The following DCC variants were observed in gnomAD, a reference collection of about 807,000 sequenced individuals.
The protein encoded by DCC is netrin receptor DCC.
In DCC, 58 loss-of-function variants were observed where a neutral mutation model predicts 172.5. That is an observed-to-expected ratio of 0.34 (90% CI 0.27 to 0.42). DCC has a LOEUF of 0.42. Ranked by LOEUF, DCC falls within the 10% of genes least tolerant of loss-of-function variation. The probability of loss-of-function intolerance (pLI) is 1.00; values close to 1 mark genes in which losing one functional copy is unlikely to be tolerated. For synonymous variants in DCC, 709 were observed against 644.5 expected (o/e 1.10, Z -1.52); for missense variants, 1,740 against 1,791.0 (o/e 0.97, Z 0.51).
chr18:53,141,877 CT>C, intron 7 of DCC, among the ~76,000 whole-genome samples: 1 of 152,272 alleles, frequency 6.6e-6, no homozygotes, highest in African/African-American at 2.4e-5. Context: ...TGTGACCAGT[CT>C]TTCTCAGGGA....
chr18:52,969,614 T>TCTCTCTCC (rs2040993718), intron 5 of DCC, among the ~76,000 whole-genome samples: 1 of 149,736 alleles, frequency 6.7e-6, no homozygotes, highest in Non-Finnish European at 1.5e-5. Context: ...TCTCTCTCTC[T>TCTCTCTCC]CTCTCTCTTT....
chr18:53,257,893 G>C (rs1160220241), intron 12 of DCC, among the ~76,000 whole-genome samples: 1 of 152,186 alleles, frequency 6.6e-6, no homozygotes, highest in Non-Finnish European at 1.5e-5. Flanking sequence ...TTCAGAGCCT[G>C]TTATTGGTCT....
intron 5 of DCC, among the ~76,000 whole-genome samples, chr18:52,948,987 T>G (rs1292899859): frequency 6.6e-6 from 1 of 152,202 alleles, no homozygotes; most frequent in East Asian, 1.9e-4. Flanking sequence ...CTGTCTCCAG[T>G]CATGCCATGC....
intron 5 of DCC, among the ~76,000 whole-genome samples, 199 bp from the exon 6 acceptor site, chr18:53,063,106 C>T (rs1462078018): frequency 6.6e-6 from 1 of 151,938 alleles, no homozygotes; most frequent in Non-Finnish European, 1.5e-5. Flanking sequence ...CCACTAACTG[C>T]AACTGTTTAA....
At chr18:52,936,750 A>G (rs115575585) in intron 5 of DCC, among the ~76,000 whole-genome samples, 1 of 152,184 alleles carries the variant, frequency 6.6e-6, no homozygotes, top group African/African-American at 2.4e-5. Context: ...TGCCCTGAAG[A>G]AACGGAAGTA....
chr18:53,383,510 G>T (rs1907921930), intron 15 of DCC, among the ~76,000 whole-genome samples: 1 of 147,646 alleles, frequency 6.8e-6, no homozygotes, highest in Non-Finnish European at 1.5e-5. Context: ...TTTATTAGTT[G>T]CTTCCGTTCT....
chr18:52,632,327 A>C (rs2034692686), intron 1 of DCC, among the ~76,000 whole-genome samples: 1 of 152,144 alleles, frequency 6.6e-6, no homozygotes, highest in South Asian at 2.1e-4. Flanking sequence ...AGTTGTTAAC[A>C]CAATACTTGG....
At chr18:53,522,088 C>G (rs543439760) in intron 27 of DCC, among the ~76,000 whole-genome samples, 1 of 152,212 alleles carries the variant, frequency 6.6e-6, no homozygotes, top group Admixed American at 6.5e-5. Flanking sequence ...GTTTATGCCT[C>G]TTTTTAAAGC....
At chr18:52,634,681 G>T (rs977710579) in intron 1 of DCC, among the ~76,000 whole-genome samples, 1 of 152,106 alleles carries the variant, frequency 6.6e-6, no homozygotes. Flanking sequence ...TTATTTAACA[G>T]TATAACTTAG....
At chr18:53,040,559 G>A (rs2143995190) in intron 5 of DCC, among the ~76,000 whole-genome samples, 1 of 152,112 alleles carries the variant, frequency 6.6e-6, no homozygotes, top group Admixed American at 6.6e-5. Flanking sequence ...ATCTTTAGAA[G>A]TAGTGGATTT....
At chr18:52,494,815 T>C (rs1266836677) in intron 1 of DCC, among the ~76,000 whole-genome samples, 3 of 152,120 alleles carry the variant, frequency 2.0e-5, no homozygotes, top group East Asian at 1.9e-4. Context: ...GTTTGTGTTG[T>C]TTTTATTTTA....
chr18:53,120,840 GT>G, intron 7 of DCC, among the ~76,000 whole-genome samples: 1 of 151,938 alleles, frequency 6.6e-6, no homozygotes, highest in South Asian at 2.1e-4. Flanking sequence ...CAGTTAGAAT[GT>G]TAAAAGAAAA....
chr18:53,140,430 T>C (rs2043813320), intron 7 of DCC, among the ~76,000 whole-genome samples: 1 of 152,190 alleles, frequency 6.6e-6, no homozygotes, highest in African/African-American at 2.4e-5. Context: ...GAGAGCAGAA[T>C]AACGAATGGA....
At chr18:52,933,884 ATTAC>A (rs1348934460) in intron 5 of DCC, among the ~76,000 whole-genome samples, 3 of 152,088 alleles carry the variant, frequency 2.0e-5, no homozygotes, top group Non-Finnish European at 2.9e-5. Flanking sequence ...AACAATGATA[ATTAC>A]TTTATCATAG....
chr18:53,179,256 G>C lies in DCC; in HGVS notation c.1573+140G>C. ...TCTTCTAAGTAAACTTATATAACTCGAGGACTTTTAAAAGATAACTTGTAA... is the reference window on the plus strand; with the variant it reads ...TCTTCTAAGTAAACTTATATAACTCCAGGACTTTTAAAAGATAACTTGTAA... On this transcript the variant is annotated intron_variant, in intron 9 of 28. Transcript: ENST00000442544. 5 of 835,764 alleles carry C rather than the reference G, an allele frequency of 6.0e-6. No homozygotes were observed. In the East Asian group the frequency reaches 1.3e-4, roughly 22 times the overall value. The allele number at this position is 835,764 out of a possible 1,614,324, so 51.8% of individuals were successfully genotyped here. A position where few individuals can be genotyped will look rare whatever the true frequency, so the allele number is the denominator to read the frequency against.
chr18:52,608,405 C>G (rs752457388), intron 1 of DCC, among the ~76,000 whole-genome samples: 2 of 152,146 alleles, frequency 1.3e-5, no homozygotes, highest in African/African-American at 2.4e-5. Context: ...CACTGAGGAC[C>G]TGGCCTTCCC....
intron 7 of DCC, among the ~76,000 whole-genome samples, chr18:53,088,572 G>A (rs1385581470): frequency 2.0e-5 from 3 of 152,038 alleles, no homozygotes; most frequent in Non-Finnish European, 4.4e-5. Flanking sequence ...AATAAGAGCA[G>A]AACTGAAGGA....
chr18:53,164,316 T>A (rs935662880), intron 8 of DCC, among the ~76,000 whole-genome samples: 1 of 152,288 alleles, frequency 6.6e-6, no homozygotes. Context: ...GTGATCATAG[T>A]TGACTTGCAG....
At chr18:53,165,990 AGCCAG>A (rs1218641551) in intron 8 of DCC, among the ~76,000 whole-genome samples, 1 of 152,186 alleles carries the variant, frequency 6.6e-6, no homozygotes, top group African/African-American at 2.4e-5. Context: ...AGCAGAGGTC[AGCCAG>A]GTGGGTGCCA....
Sources: allele counts gnomAD v4.1 joint callset (sites outside exome capture counted in the v4.1 genomes callset), GRCh38; gene constraint gnomAD v4.1.1; transcripts MANE v1.5; gene names NCBI Gene and HGNC (gene_info 2026-07-23, HGNC 2026-07-21).